Variants in PODXL observed in about 807,000 individuals in gnomAD.
The protein encoded by PODXL is podocalyxin like.
Under a neutral mutation model 48.9 loss-of-function variants are expected in PODXL, and 20 were observed. That is an observed-to-expected ratio of 0.41 (90% CI 0.29 to 0.59). The LOEUF (loss-of-function observed/expected upper bound fraction) is 0.59, where lower values mean the gene tolerates loss of function less well. PODXL is among the 20% of genes least tolerant of loss of function. The pLI, the probability that PODXL is intolerant of heterozygous loss-of-function variation, is 0.31. For synonymous variants in PODXL, 295 were observed against 287.4 expected (o/e 1.03, Z -0.27); for missense variants, 606 against 675.1 (o/e 0.90, Z 1.13).
At chr7:131,538,453 C>T (rs997791061) in intron 1 of PODXL, among the ~76,000 whole-genome samples, 1 of 152,150 alleles carries the variant, frequency 6.6e-6, no homozygotes, top group African/African-American at 2.4e-5. Flanking sequence ...GAAAATCAGG[C>T]CCAGAGTTGG....
chr7:131,545,313 G>A (rs999808445), intron 1 of PODXL, among the ~76,000 whole-genome samples: 2 of 152,190 alleles, frequency 1.3e-5, no homozygotes, highest in African/African-American at 2.4e-5. Flanking sequence ...CTGCCATGTT[G>A]TTTCCTATAA....
At chr7:131,534,572 C>T (rs776738363) in intron 1 of PODXL, among the ~76,000 whole-genome samples, 1 of 152,124 alleles carries the variant, frequency 6.6e-6, no homozygotes, top group Non-Finnish European at 1.5e-5. Flanking sequence ...GGGGCTGGAG[C>T]TCAGACTTCA....
intron 1 of PODXL, among the ~76,000 whole-genome samples, chr7:131,549,879 GAT>G (rs943145058): frequency 2.0e-5 from 3 of 152,194 alleles, no homozygotes; most frequent in Admixed American, 6.5e-5. Context: ...GGGTGGTGGT[GAT>G]ATATGTCGGG....
At chr7:131,533,222 G>A (rs1798312440) in intron 1 of PODXL, among the ~76,000 whole-genome samples, 1 of 152,126 alleles carries the variant, frequency 6.6e-6, no homozygotes, top group South Asian at 2.1e-4. Flanking sequence ...CCCTTCCCTG[G>A]GACCCTGGCA....
At chr7:131,544,234 T>C (rs1056394219) in intron 1 of PODXL, among the ~76,000 whole-genome samples, 4 of 152,140 alleles carry the variant, frequency 2.6e-5, no homozygotes, top group African/African-American at 9.7e-5. Flanking sequence ...CCCACACAAA[T>C]ACCCAGCGCT....
chr7:131,510,418 G>A (rs1398319849), intron 2 of PODXL, 87 bp from the exon 3 acceptor site: 8 of 273,500 alleles, frequency 2.9e-5, no homozygotes, highest in Non-Finnish European at 5.0e-5. Context: ...GGCTGAGGCA[G>A]GAGAATTGCT....
At chr7:131,549,976 G>A (rs767484664) in intron 1 of PODXL, among the ~76,000 whole-genome samples, 5 of 152,246 alleles carry the variant, frequency 3.3e-5, no homozygotes, top group Non-Finnish European at 7.3e-5. Flanking sequence ...GCTTGCTGCT[G>A]CTCCAGCGAT....
At chr7:131,529,313 C>G (rs886780288) in intron 1 of PODXL, among the ~76,000 whole-genome samples, 1 of 152,060 alleles carries the variant, frequency 6.6e-6, no homozygotes, top group Non-Finnish European at 1.5e-5. Flanking sequence ...TGCCAGCTCC[C>G]CCGGGGGCCA....
chr7:131,505,638 TAAAA>T (rs1324833256), intron 8 of PODXL, among the ~76,000 whole-genome samples: 2 of 151,912 alleles, frequency 1.3e-5, no homozygotes, highest in East Asian at 1.9e-4. Flanking sequence ...AATAATAAAA[TAAAA>T]AATAAATAAG....
At chr7:131,544,675 C>T (rs1798543434) in intron 1 of PODXL, among the ~76,000 whole-genome samples, 1 of 117,460 alleles carries the variant, frequency 8.5e-6, no homozygotes, top group South Asian at 2.8e-4. Context: ...ACGCCCTGTA[C>T]TACGCTTGGC....
intron 1 of PODXL, among the ~76,000 whole-genome samples, chr7:131,552,087 G>A (rs1008595134): frequency 3.3e-5 from 5 of 152,166 alleles, no homozygotes; most frequent in Admixed American, 6.5e-5. Context: ...CAAGCCCACT[G>A]GCCAGACATC....
At chr7:131,527,351 A>C (rs1424363282) in intron 1 of PODXL, among the ~76,000 whole-genome samples, 4 of 152,248 alleles carry the variant, frequency 2.6e-5, no homozygotes, top group Admixed American at 2.0e-4. Context: ...TCTACTTACA[A>C]GGCACAAAAA....
rs1395415036 is a variant in PODXL, at chr7:131,523,694, AAAAAAAAAC to A, written c.101-12270_101-12262del. Among the ~76,000 whole-genome samples the A allele has an allele frequency of 3.9e-4, 40 of 103,650 alleles. 1 individual carries two copies. The highest frequency in any genetic ancestry group is 3.0e-3 in the South Asian group (10 of 3,292). The allele number at this position is 103,650 out of a possible 152,430, so 68.0% of individuals were successfully genotyped here. The stretch of plus-strand genomic sequence containing the variant: ...AATCCGTCTCAAAAAAAAAAAAAAA[AAAAAAAAAC>A]AAGAAAAGAAAAAGAAAAAGAAAAA... On this transcript the variant is annotated intron_variant, in intron 1 of 8. Coordinates refer to ENST00000378555, the MANE Select transcript of PODXL (RefSeq NM_001018111.3).
Position 131,511,424 on chromosome 7 carries a change from G to A in PODXL, c.110C>T (p.Thr37Ile), listed in dbSNP as rs750568383. The change falls in exon 2 of 9, where the codon ACT becomes ATT. Residue 37 changes from threonine to isoleucine, a missense_variant. Thr to Ile is a moderately conservative substitution (Grantham distance 89, BLOSUM62 -1). Transcript: ENST00000378555. ...SPSPSQNATQ[T>I]TTDSSNKTAP... ...TGTTTTGTTAGATGAGTCCGTAGTA[G>A]TCTGGGTTGCTGTTTGTAAAGATAA... The A allele has an allele frequency of 3.6e-5, 57 of 1,600,526 alleles. No homozygotes were observed. The Admixed American group carries it at 9.5e-4, about 27-fold the overall frequency.
intron 5 of PODXL, 125 bp from the exon 6 acceptor site, chr7:131,506,851 G>T: frequency 1.0e-6 from 1 of 956,138 alleles, no homozygotes; most frequent in Non-Finnish European, 1.6e-6. Context: ...TCCCTCTCTA[G>T]CCCCAGCTGG....
intron 5 of PODXL, among the ~76,000 whole-genome samples, chr7:131,507,438 G>A (rs1354855589): frequency 1.3e-5 from 2 of 152,180 alleles, no homozygotes; most frequent in Admixed American, 1.3e-4. Context: ...AGTGTGGGCA[G>A]CATGTATCCA....
intron 1 of PODXL, among the ~76,000 whole-genome samples, chr7:131,547,530 C>CACAAGGCTA (rs1295093911): frequency 6.6e-6 from 1 of 152,186 alleles, no homozygotes; most frequent in African/African-American, 2.4e-5. Flanking sequence ...AGTCTGAGAT[C>CACAAGGCTA]ACAAGGCTAA....
rs145794611 is a variant in PODXL at position 131,543,401 on chromosome 7, T to C, written c.100+12859A>G. Among the ~76,000 whole-genome samples the C allele has an allele frequency of 8.3e-4, 127 of 152,246 alleles. 3 individuals are homozygous for C. The South Asian group carries it at 0.012, about 14-fold the overall frequency. ...TCGGCCTCCCAAAGTGCTGGGATTATAGGTGTGAACCACAGTGCCAGGCCA... is the reference window on the plus strand; with the variant it reads ...TCGGCCTCCCAAAGTGCTGGGATTACAGGTGTGAACCACAGTGCCAGGCCA... On this transcript the variant is annotated intron_variant, in intron 1 of 8. Coordinates refer to ENST00000378555, the MANE Select transcript of PODXL (RefSeq NM_001018111.3).
intron 1 of PODXL, among the ~76,000 whole-genome samples, chr7:131,525,609 A>C (rs1355944991): frequency 1.3e-5 from 2 of 151,834 alleles, no homozygotes; most frequent in Non-Finnish European, 2.9e-5. Flanking sequence ...TCAAAAAAAA[A>C]AACACAAAAA....
Sources: gnomAD v4.1 joint callset for allele counts (sites outside exome capture counted in the v4.1 genomes callset) on GRCh38, gnomAD v4.1.1 for gene constraint, MANE v1.5 for transcripts, NCBI Gene and HGNC (gene_info 2026-07-23, HGNC 2026-07-21) for gene names.